Variants in ALOX12B observed in about 807,000 individuals in gnomAD.
ALOX12B encodes arachidonate 12-lipoxygenase, 12R type, also known as arachidonate 12-lipoxygenase, 12R-type.
In ALOX12B, 47 loss-of-function variants were observed where a neutral mutation model predicts 78.9. The ratio of observed to expected loss-of-function variants is 0.60; its 90% CI spans 0.47 to 0.76. The LOEUF is 0.76. ALOX12B is among the 30% of genes least tolerant of loss of function. The pLI is 0.00. For missense variants in ALOX12B, 805 were observed against 922.6 expected, an observed-to-expected ratio of 0.87 and a Z score of 1.65; for synonymous variants, 370 against 374.5, an observed-to-expected ratio of 0.99 and a Z score of 0.14.
At position 8,081,048 on chromosome 17, in the gene ALOX12B, G is replaced by A. The variant is rs371760921; in HGVS notation, c.434+58C>T. The stretch of plus-strand genomic sequence containing the variant: ...AGGGCAAAGGGCCAGAGCCATCACT[G>A]CCCCCCACCTCCCTGGACCCCTGCC... On this transcript the variant is annotated intron_variant, in intron 3 of 14. Coordinates refer to ENST00000647874, the MANE Select transcript of ALOX12B (RefSeq NM_001139.3). The A allele has an allele frequency of 3.1e-6, 5 of 1,612,156 alleles. No homozygotes were observed. In the African/African-American group the frequency reaches 6.7e-5, roughly 22 times the overall value.
In ALOX12B at chr17:8,073,191, G is replaced by T. The variant is rs899144535; in HGVS notation, c.1883C>A (p.Thr628Lys). The T allele has an allele frequency of 3.1e-6, 5 of 1,614,068 alleles. No homozygotes were observed. Among genetic ancestry groups the T allele is most frequent in the Non-Finnish European group, 4.2e-6 (5 of 1,180,050 alleles). ...GCTGAGGGTCCAGAGCACCAGCAGCGTGATGCACGTGGTCTTCACATCCGG... is the reference window on the plus strand; with the variant it reads ...GCTGAGGGTCCAGAGCACCAGCAGCTTGATGCACGTGGTCTTCACATCCGG... ...TLPDVKTTCI[T>K]LLVLWTLSRE... The change falls in exon 14 of 15, where the codon ACG (threonine) becomes AAG (lysine). Residue 628 changes from threonine to lysine, a missense_variant. Thr to Lys is a moderately conservative substitution (Grantham distance 78). Coordinates refer to ENST00000647874, the MANE Select transcript of ALOX12B (RefSeq NM_001139.3).
chr17:8,073,339 C>A (rs958594060), intron 13 of ALOX12B, 21 bp from the exon 14 acceptor site: 17 of 1,613,940 alleles, frequency 1.1e-5, no homozygotes, highest in Non-Finnish European at 1.4e-5. Context: ...GATAGAGGCG[C>A]GGGTCTGGGT....
In ALOX12B at chr17:8,079,946, G is replaced by A. The variant is rs1431505759; in HGVS notation, c.755-5C>T. The A allele has an allele frequency of 1.1e-5, 17 of 1,610,508 alleles. No homozygotes were observed. The Admixed American group carries it at 2.9e-4, about 27-fold the overall frequency. On this transcript the variant is annotated splice_polypyrimidine_tract_variant and splice_region_variant and intron_variant, in intron 6 of 14. Transcript: ENST00000647874. This position sits in a 1 kb window ranked among gnomAD's most constrained non-coding sequence, Gnocchi z 6.4. ...CCCAGTGCTCGGCCACGTACTCTGC[G>A]AGGACGGCGCGAGGGCGTCACAAGG... is the stretch of plus-strand genomic sequence containing the variant.
In ALOX12B at chr17:8,080,839, A is replaced by T. The variant is rs3816263; in HGVS notation, c.527+45T>A. The T allele has an allele frequency of 1.9e-6, 3 of 1,613,714 alleles. No homozygotes were observed. Among genetic ancestry groups the T allele is most frequent in the Non-Finnish European group, 2.5e-6 (3 of 1,179,874 alleles). On this transcript the variant is annotated intron_variant, in intron 4 of 14. Transcript: ENST00000647874. This position sits in a 1 kb window ranked among gnomAD's most constrained non-coding sequence, Gnocchi z 4.8. ...GGGGGCGGGGAGGAGGCAGGCGCCC[A>T]GGGGAAAACCATGGGCGGGGCCCAG... is the stretch of plus-strand genomic sequence containing the variant.
At chr17:8,073,347 G>C in intron 13 of ALOX12B, 29 bp from the exon 14 acceptor site, 2 of 1,613,730 alleles carry the variant, frequency 1.2e-6, no homozygotes, top group African/African-American at 1.3e-5. Context: ...CGCGGGTCTG[G>C]GTGGAAGAGT....
In ALOX12B at chr17:8,087,502, G is replaced by A. The variant is rs541461990; in HGVS notation, c.-60C>T. The A allele has an allele frequency of 2.7e-5, 43 of 1,611,576 alleles. No individual in the cohort carries two copies. Among genetic ancestry groups the A allele is most frequent in the Admixed American group, 2.5e-4 (15 of 60,022 alleles). The stretch of plus-strand genomic sequence containing the variant: ...CCCAGACACCGTGGAGGGGCCACAC[G>A]AAGGCCCAAGGCAGGCAAGAGAAGC... On this transcript the variant is annotated 5_prime_UTR_variant, in exon 1 of 15. Coordinates refer to ENST00000647874, the MANE Select transcript of ALOX12B (RefSeq NM_001139.3).
chr17:8,078,937 G>A lies in ALOX12B; in HGVS notation c.1071+459C>T, dbSNP rs7216117. On this transcript the variant is annotated intron_variant, in intron 8 of 14. Coordinates refer to ENST00000647874, the MANE Select transcript of ALOX12B (RefSeq NM_001139.3). ...TTTTGAGATGGAGTCTCGCTCTGTC[G>A]CCCAGAGCGACATGCAGTGGCATGA... Among the ~76,000 whole-genome samples the A allele has an allele frequency of 4.4e-3, 594 of 134,358 alleles. 5 individuals are homozygous for A. The Middle Eastern group carries it at 0.053, about 12-fold the overall frequency. The allele number at this position is 134,358 out of a possible 152,430, so 88.1% of individuals were successfully genotyped here.
chr17:8,082,424 C>T (rs961444882), intron 2 of ALOX12B, among the ~76,000 whole-genome samples: 12 of 152,186 alleles, frequency 7.9e-5, no homozygotes, highest in East Asian at 7.7e-4. Context: ...ATGCTCTGAG[C>T]GTTAACCTGC....
Position 8,079,515 on chromosome 17 carries a change from A to G in ALOX12B, c.952T>C (p.Tyr318His), listed in dbSNP as rs1264950185. 7.7e-6 allele frequency: 12 copies of G among 1,550,874 alleles called. No homozygotes were observed. Among genetic ancestry groups the G allele is most frequent in the Non-Finnish European group, 8.7e-6 (10 of 1,146,990 alleles). ...LEKGNIYLADYRIMEGIPTVE... is the reference protein window; with the variant it reads ...LEKGNIYLADHRIMEGIPTVE... ...GTGGGGATGCCCTCCATGATGCGGT[A>G]GTCGGCCAGGTAAATGTTCCCCTTC... Residue 318 changes from tyrosine to histidine, a missense_variant, in exon 8 of 15, where the codon TAC becomes CAC. Tyr to His is a moderately conservative substitution (Grantham distance 83). Coordinates refer to ENST00000647874, the MANE Select transcript of ALOX12B (RefSeq NM_001139.3). The surrounding 1 kb of genome is among the most constrained non-coding windows in gnomAD (Gnocchi z 6.4).
At chr17:8,084,266 C>T (rs116707886) in intron 2 of ALOX12B, among the ~76,000 whole-genome samples, 1,584 of 152,316 alleles carry the variant, frequency 0.01, 23 homozygotes, top group African/African-American at 0.036. Flanking sequence ...CCCAGGCTGG[C>T]CTGTGCCTAC....
rs1302782570 is a variant in ALOX12B at position 8,079,904 on chromosome 17, AAAG to A, written c.789_791del (p.Phe264del). ...TGACGCCGTTGAGGTACTGGTACCC[AAAG>A]AAGGTGTCCTCTGCCCAGTGCTCGG... is the stretch of plus-strand genomic sequence containing the variant. On this transcript the variant is annotated inframe_deletion, in exon 7 of 15. Coordinates refer to ENST00000647874, the MANE Select transcript of ALOX12B (RefSeq NM_001139.3). The surrounding 1 kb of genome is among the most constrained non-coding windows in gnomAD (Gnocchi z 6.4). 14 of 1,613,186 alleles carry A rather than the reference AAAG, an allele frequency of 8.7e-6. No homozygotes were observed. The highest frequency in any genetic ancestry group is 1.7e-5 in the Admixed American group (1 of 59,986).
At position 8,087,296 on chromosome 17, in the gene ALOX12B, C is replaced by T. The variant is rs200707254; in HGVS notation, c.147G>A (p.Ala49=). The change falls in exon 1 of 15, where the codon GCG becomes GCA. Residue 49 remains alanine (A), a splice_region_variant and synonymous_variant. Transcript: ENST00000647874. ...NHFGRDFATG[A]VGQYTVQCPQ... ...CACACACACACACACACACTCTTAC[C>T]GCCCCAGTTGCAAAGTCTCTCCCAA... 2.0e-5 allele frequency: 32 copies of T among 1,598,454 alleles called. No homozygotes were observed. The highest frequency in any genetic ancestry group is 2.3e-5 in the East Asian group (1 of 44,178).
chr17:8,084,339 C>T (rs1236713701), intron 2 of ALOX12B, among the ~76,000 whole-genome samples: 1 of 152,154 alleles, frequency 6.6e-6, no homozygotes, highest in Non-Finnish European at 1.5e-5. Context: ...CCTCCACCTG[C>T]CTCAGCTCAT....
Position 8,072,880 on chromosome 17 carries a change from C to A in ALOX12B, c.1997G>T (p.Arg666Leu), listed in dbSNP as rs1274525093. 2 of 1,614,036 alleles carry A rather than the reference C, an allele frequency of 1.2e-6. No individual in the cohort carries two copies. The highest frequency in any genetic ancestry group is 1.7e-6 in the Non-Finnish European group (2 of 1,180,038). Reference sequence around the variant, plus strand: ...GTGTGAGATCTGGTTCAGGCGCTGGCGGAACGCCTCTATGCTCCTCCGCGG... The same window carrying A: ...GTGTGAGATCTGGTTCAGGCGCTGGAGGAACGCCTCTATGCTCCTCCGCGG... ...EAPRRSIEAF[R>L]QRLNQISHDI... Residue 666 changes from arginine (R) to leucine (L), a missense_variant, in exon 15 of 15, where the codon CGC becomes CTC. By Grantham distance (102) the Arg-to-Leu change is moderately radical. Transcript: ENST00000647874.
intron 2 of ALOX12B, among the ~76,000 whole-genome samples, chr17:8,082,079 T>G (rs1209014004): frequency 6.6e-6 from 1 of 152,252 alleles, no homozygotes; most frequent in Non-Finnish European, 1.5e-5. Context: ...TTCATTTTTT[T>G]CATGACTGAA....
chr17:8,074,148 C>T (rs1368839818), intron 12 of ALOX12B, among the ~76,000 whole-genome samples: 2 of 152,134 alleles, frequency 1.3e-5, no homozygotes, highest in African/African-American at 4.8e-5. Context: ...CTCTCCACTC[C>T]CTCCCATCAC....
chr17:8,072,809 GGTA>G lies in ALOX12B; in HGVS notation c.2065_2067del (p.Tyr689del), dbSNP rs1414018786. The G allele has an allele frequency of 6.2e-7, 1 of 1,614,262 alleles. No homozygotes were observed. Among genetic ancestry groups the G allele is most frequent in the Non-Finnish European group, 8.5e-7 (1 of 1,180,050 alleles). ...CTGTTCTCAATCAGCACCGGGTCCA[GGTA>G]GTAGTAGGGGATGGGAAGGCACTTG... On this transcript the variant is annotated inframe_deletion, in exon 15 of 15. Coordinates refer to ENST00000647874, the MANE Select transcript of ALOX12B (RefSeq NM_001139.3).
chr17:8,085,355 G>A (rs1445719705), intron 2 of ALOX12B, among the ~76,000 whole-genome samples: 1 of 152,184 alleles, frequency 6.6e-6, no homozygotes, highest in Non-Finnish European at 1.5e-5. Context: ...GCTGAGGCAG[G>A]AGAATCGCTT....
chr17:8,076,525 A>C, intron 10 of ALOX12B, 132 bp downstream of exon 10: 1 of 1,300,792 alleles, frequency 7.7e-7, no homozygotes, highest in East Asian at 2.5e-5. Flanking sequence ...AGGAGAACCA[A>C]CTTCATCCAG....
Sources: gnomAD v4.1 joint callset for allele counts (sites outside exome capture counted in the v4.1 genomes callset) on GRCh38, gnomAD v4.1.1 for gene constraint, Gnocchi (gnomAD v3.1) non-coding constraint, MANE v1.5 for transcripts, NCBI Gene and HGNC (gene_info 2026-07-23, HGNC 2026-07-21) for gene names.